SP100: variants seen among roughly 807,000 people sequenced by gnomAD.
The protein encoded by SP100 is nuclear autoantigen Sp-100.
A neutral mutation model predicts 130.0 loss-of-function variants in SP100; 84 were observed. That is an observed-to-expected ratio of 0.65 (90% CI 0.54 to 0.77). The LOEUF (loss-of-function observed/expected upper bound fraction) is 0.77. SP100 is among the 30% of genes least tolerant of loss of function. The pLI is 0.00. For missense variants in SP100, 978 were observed against 1,052.2 expected, an observed-to-expected ratio of 0.93 and a Z score of 0.97; for synonymous variants, 331 against 351.7, an observed-to-expected ratio of 0.94 and a Z score of 0.66.
At chr2:230,424,306 C>A (rs1201376022) in intron 2 of SP100, among the ~76,000 whole-genome samples, 3 of 152,144 alleles carry the variant, frequency 2.0e-5, no homozygotes, top group Non-Finnish European at 4.4e-5. Context: ...ATGAGCCATG[C>A]CCAACCTGGC....
chr2:230,463,356 TCATAA>T (rs758508798), intron 10 of SP100, among the ~76,000 whole-genome samples: 102 of 152,322 alleles, frequency 6.7e-4, no homozygotes, highest in African/African-American at 7.2e-4. Context: ...TAAATACTTA[TCATAA>T]CATAAGTATG....
At chr2:230,512,654 G>C (rs1367468659) in intron 24 of SP100, among the ~76,000 whole-genome samples, 1 of 152,192 alleles carries the variant, frequency 6.6e-6, no homozygotes, top group East Asian at 1.9e-4. Flanking sequence ...TTTTGTGGAA[G>C]ACAGTTTTTC....
chr2:230,455,293 G>A (rs1189071740), intron 8 of SP100, among the ~76,000 whole-genome samples: 1 of 152,070 alleles, frequency 6.6e-6, no homozygotes, highest in Non-Finnish European at 1.5e-5. Context: ...CAAACTTCTG[G>A]GCTCAAGCAA....
intron 20 of SP100, 50 bp from the exon 21 acceptor site, chr2:230,504,136 T>C (rs1408417193): frequency 1.0e-6 from 1 of 984,206 alleles, no homozygotes. Context: ...GGAGGGACAA[T>C]GCACAGTTGT....
chr2:230,461,460 AGGTAAGGGGCTCAG>A (rs2064623374), intron 9 of SP100, 46 bp downstream of exon 9: 1 of 1,600,326 alleles, frequency 6.2e-7, no homozygotes, highest in Non-Finnish European at 8.6e-7. Flanking sequence ...ACAGGTTACC[AGGTAAGGGGCTCAG>A]GGACTTCATC....
At chr2:230,523,111 G>A (rs1181618559) in intron 24 of SP100, among the ~76,000 whole-genome samples, 1 of 152,180 alleles carries the variant, frequency 6.6e-6, no homozygotes, top group African/African-American at 2.4e-5. Context: ...AGCCTGGGGA[G>A]ATTTGGCCTT....
At chr2:230,487,379 T>C (rs1006495523) in intron 17 of SP100, among the ~76,000 whole-genome samples, 1 of 152,220 alleles carries the variant, frequency 6.6e-6, no homozygotes, top group Non-Finnish European at 1.5e-5. Flanking sequence ...CAGTTTCAGT[T>C]TTCTGCATAT....
intron 15 of SP100, among the ~76,000 whole-genome samples, chr2:230,471,456 AT>A (rs1162496498): frequency 6.6e-6 from 1 of 152,200 alleles, no homozygotes; most frequent in Non-Finnish European, 1.5e-5. Context: ...TGTCCTGTGA[AT>A]TTAGAGCTCC....
chr2:230,506,565 C>T, intron 22 of SP100, 120 bp downstream of exon 22: 1 of 954,986 alleles, frequency 1.0e-6, no homozygotes, highest in Non-Finnish European at 1.6e-6. Flanking sequence ...CCCAGGTCTC[C>T]ATGCATATGT....
At chr2:230,424,460 A>G (rs1034455151) in intron 2 of SP100, among the ~76,000 whole-genome samples, 2 of 152,150 alleles carry the variant, frequency 1.3e-5, no homozygotes, top group Non-Finnish European at 2.9e-5. Flanking sequence ...TGAGGTCAGG[A>G]GTTCAAGACC....
intron 24 of SP100, among the ~76,000 whole-genome samples, chr2:230,514,641 G>A (rs1690799544): frequency 6.6e-6 from 1 of 152,074 alleles, no homozygotes; most frequent in Non-Finnish European, 1.5e-5. Flanking sequence ...TATTGTACTT[G>A]ACCTGATTAT....
rs1340762365 is a variant in SP100, at chr2:230,544,683, A to T, written c.*1737A>T. ...TTTAGTAGAGACGGGGTTTCTCCAC[A>T]TTGGTCAGGCTGGTCTTGAACTCCC... On this transcript the variant is annotated 3_prime_UTR_variant, in exon 29 of 29. Coordinates refer to ENST00000340126, the MANE Select transcript of SP100 (RefSeq NM_001080391.2). 4.6e-5 allele frequency among the ~76,000 whole-genome samples: 7 copies of T among 151,984 alleles called. No homozygotes were observed.
intron 8 of SP100, among the ~76,000 whole-genome samples, chr2:230,453,614 C>T (rs1304329890): frequency 6.6e-6 from 1 of 152,078 alleles, no homozygotes; most frequent in Non-Finnish European, 1.5e-5. Flanking sequence ...GTGTATGACC[C>T]TTTAGATATG....
chr2:230,489,098 A>G (rs181387806), intron 17 of SP100, among the ~76,000 whole-genome samples: 9 of 152,334 alleles, frequency 5.9e-5, no homozygotes, highest in African/African-American at 1.2e-4. Flanking sequence ...AAGGAAAGGT[A>G]CCAGCTACTC....
chr2:230,472,753 T>C (rs1292582666), intron 15 of SP100, among the ~76,000 whole-genome samples: 1 of 152,158 alleles, frequency 6.6e-6, no homozygotes, highest in Non-Finnish European at 1.5e-5. Context: ...AAAGCAACTT[T>C]AGCACAAGGC....
At chr2:230,524,344 G>A (rs541076787) in intron 24 of SP100, among the ~76,000 whole-genome samples, 5 of 125,118 alleles carry the variant, frequency 4.0e-5, no homozygotes, top group Middle Eastern at 6.1e-3. Flanking sequence ...CAACAAGAGT[G>A]AGATTCCATC....
At chr2:230,477,643 G>C (rs2065624498) in intron 17 of SP100, among the ~76,000 whole-genome samples, 2 of 152,040 alleles carry the variant, frequency 1.3e-5, no homozygotes, top group African/African-American at 4.8e-5. Context: ...TTTTGTAATT[G>C]AAGGCACTAC....
chr2:230,504,289 A>G lies in SP100; in HGVS notation c.1869A>G (p.Gln623=). Residue 623 remains glutamine, a splice_region_variant and synonymous_variant, in exon 21 of 29, where the codon CAA becomes CAG. Coordinates refer to ENST00000340126, the MANE Select transcript of SP100 (RefSeq NM_001080391.2). ...KGTLYKERFK[Q]GTSKKCIQSE... ...CTCTATATAAGGAGCGATTCAAACAAGGTGAGTTTACTGGTCCATCTACGA... is the reference window on the plus strand; with the variant it reads ...CTCTATATAAGGAGCGATTCAAACAGGGTGAGTTTACTGGTCCATCTACGA... The G allele has an allele frequency of 6.4e-7, 1 of 1,572,294 alleles. No individual in the cohort carries two copies. Among genetic ancestry groups the G allele is most frequent in the African/African-American group, 1.3e-5 (1 of 74,216 alleles).
At chr2:230,441,168 A>T (rs2063453562) in intron 2 of SP100, among the ~76,000 whole-genome samples, 1 of 152,228 alleles carries the variant, frequency 6.6e-6, no homozygotes, top group Non-Finnish European at 1.5e-5. Context: ...ACTTGAACAG[A>T]CACTTTACAA....
Sources: allele counts gnomAD v4.1 joint callset (sites outside exome capture counted in the v4.1 genomes callset), GRCh38; gene constraint gnomAD v4.1.1; transcripts MANE v1.5; gene names NCBI Gene and HGNC (gene_info 2026-07-23, HGNC 2026-07-21).